AGBL4: variants seen among roughly 807,000 people sequenced by gnomAD.
AGBL4 encodes the protein cytosolic carboxypeptidase 6.
Under a neutral mutation model 66.4 loss-of-function variants are expected in AGBL4, and 58 were observed. The ratio of observed to expected loss-of-function variants is 0.87; its 90% CI spans 0.71 to 1.09. The LOEUF (loss-of-function observed/expected upper bound fraction) is 1.09. Among genes scored for constraint, AGBL4 ranks in the 50% least tolerant of loss-of-function variants. AGBL4 has a pLI of 0.00. For missense variants in AGBL4, 579 were observed against 631.0 expected (o/e 0.92, Z 0.88); for synonymous variants, 234 against 222.9 (o/e 1.05, Z -0.44).
At chr1:48,526,283 A>G in the AGBL4 span, among the ~76,000 whole-genome samples, 1 of 152,226 alleles carries the variant, frequency 6.6e-6, no homozygotes, top group Non-Finnish European at 1.5e-5. Flanking sequence ...GAACACAAGC[A>G]TTAGAGTCTG....
chr1:49,570,894 G>A (rs1644313177), intron 3 of AGBL4, among the ~76,000 whole-genome samples: 1 of 152,046 alleles, frequency 6.6e-6, no homozygotes, highest in African/African-American at 2.4e-5. Context: ...TCAGTTGGCT[G>A]TAGATAAGTG....
chr1:49,032,657 G>T (rs550210182), intron 5 of AGBL4, among the ~76,000 whole-genome samples: 1 of 152,254 alleles, frequency 6.6e-6, no homozygotes, highest in East Asian at 1.9e-4. Context: ...AGGATAGTGA[G>T]CCTGGAAACC....
intron 2 of AGBL4, among the ~76,000 whole-genome samples, chr1:49,698,356 T>C (rs1330124499): frequency 3.3e-5 from 5 of 152,142 alleles, no homozygotes; most frequent in African/African-American, 7.2e-5. Context: ...ACAATGTATA[T>C]GAATATTAAG....
intron 6 of AGBL4, among the ~76,000 whole-genome samples, chr1:48,778,161 A>G (rs1437646072): frequency 6.6e-6 from 1 of 151,954 alleles, no homozygotes; most frequent in African/African-American, 2.4e-5. Flanking sequence ...CCATCCATCC[A>G]TCCATCCATC....
intron 6 of AGBL4, among the ~76,000 whole-genome samples, chr1:48,699,319 C>T (rs182315879): frequency 5.3e-5 from 8 of 152,242 alleles, no homozygotes; most frequent in African/African-American, 1.2e-4. Flanking sequence ...TACTTTGTGG[C>T]GATGCTGTAA....
At chr1:49,941,502 TCAA>T (rs1309785719) in intron 1 of AGBL4, among the ~76,000 whole-genome samples, 2 of 151,902 alleles carry the variant, frequency 1.3e-5, no homozygotes, top group Non-Finnish European at 2.9e-5. Context: ...CAAACCAGAT[TCAA>T]CAACACATTA....
intron 2 of AGBL4, among the ~76,000 whole-genome samples, chr1:49,768,440 A>G (rs1480253870): frequency 6.6e-6 from 1 of 152,238 alleles, no homozygotes; most frequent in East Asian, 1.9e-4. Flanking sequence ...GATCATCTCA[A>G]CTGACACAGA....
At chr1:48,672,783 C>G (rs1461998877) in intron 6 of AGBL4, among the ~76,000 whole-genome samples, 2 of 152,162 alleles carry the variant, frequency 1.3e-5, no homozygotes, top group African/African-American at 4.8e-5. Flanking sequence ...TTTTAAGCCA[C>G]TAAATTGGGG....
intron 1 of AGBL4, among the ~76,000 whole-genome samples, chr1:49,877,428 T>C (rs957635959): frequency 6.6e-6 from 1 of 152,074 alleles, no homozygotes; most frequent in African/African-American, 2.4e-5. Flanking sequence ...ATGTGGTTTT[T>C]GTCTTTGGTT....
At chr1:48,980,730 T>C (rs796240718) in intron 5 of AGBL4, among the ~76,000 whole-genome samples, 4 of 878 alleles carry the variant, frequency 4.6e-3, no homozygotes, top group African/African-American at 0.01. Context: ...TATATATATA[T>C]ATATATATAT....
chr1:49,310,624 T>C (rs1644926396), intron 3 of AGBL4, among the ~76,000 whole-genome samples: 1 of 152,022 alleles, frequency 6.6e-6, no homozygotes, highest in South Asian at 2.1e-4. Flanking sequence ...TACATGGAAT[T>C]TGATTAAGGA....
intron 2 of AGBL4, among the ~76,000 whole-genome samples, chr1:49,756,412 A>G (rs1186643059): frequency 1.3e-5 from 2 of 152,226 alleles, no homozygotes; most frequent in Non-Finnish European, 2.9e-5. Flanking sequence ...AAAGTACTAA[A>G]ATTGCTCCAC....
intron 2 of AGBL4, among the ~76,000 whole-genome samples, chr1:49,718,657 A>G (rs1188340417): frequency 6.6e-6 from 1 of 152,006 alleles, no homozygotes; most frequent in Non-Finnish European, 1.5e-5. Context: ...CATATGTAAA[A>G]ATTCTTGTCA....
chr1:49,378,946 A>T (rs1337656207), intron 3 of AGBL4, among the ~76,000 whole-genome samples: 1 of 151,956 alleles, frequency 6.6e-6, no homozygotes, highest in East Asian at 1.9e-4. Flanking sequence ...GGTTTTTTTT[A>T]AAAGGAAGGT....
intron 6 of AGBL4, among the ~76,000 whole-genome samples, chr1:48,724,673 G>A (rs1336339588): frequency 6.6e-6 from 1 of 151,970 alleles, no homozygotes; most frequent in Non-Finnish European, 1.5e-5. Context: ...CAGTTTGGGG[G>A]GTATTTCCTA....
intron 6 of AGBL4, among the ~76,000 whole-genome samples, chr1:48,834,584 C>T (rs974013187): frequency 2.0e-5 from 3 of 152,048 alleles, no homozygotes; most frequent in African/African-American, 7.2e-5. Context: ...ATCTTTTTCT[C>T]TTTCTACTGA....
chr1:49,341,569 T>A (rs1450703168), intron 3 of AGBL4, among the ~76,000 whole-genome samples: 1 of 152,148 alleles, frequency 6.6e-6, no homozygotes, highest in Non-Finnish European at 1.5e-5. Flanking sequence ...GTAAGGCCCC[T>A]CTTGATTAAA....
intron 4 of AGBL4, among the ~76,000 whole-genome samples, chr1:49,120,238 G>T (rs1569668776): frequency 6.6e-6 from 1 of 152,044 alleles, no homozygotes; most frequent in African/African-American, 2.4e-5. Context: ...TGGTTATTTT[G>T]CCCGTTAATT....
chr1:49,552,244 A>C (rs543153342), intron 3 of AGBL4, among the ~76,000 whole-genome samples: 1 of 152,278 alleles, frequency 6.6e-6, no homozygotes, highest in East Asian at 1.9e-4. Context: ...AGCTGAGGAA[A>C]AAAAAGCTTG....
Sources: gnomAD v4.1 joint callset for allele counts (sites outside exome capture counted in the v4.1 genomes callset) on GRCh38, gnomAD v4.1.1 for gene constraint, MANE v1.5 for transcripts, NCBI Gene and HGNC (gene_info 2026-07-23, HGNC 2026-07-21) for gene names.